EFCAB6: variants seen among roughly 807,000 people sequenced by gnomAD.
EFCAB6 encodes EF-hand calcium-binding domain-containing protein 6.
In EFCAB6, 156 loss-of-function variants were observed where a neutral mutation model predicts 169.8. That is an observed-to-expected ratio of 0.92 (90% CI 0.81 to 1.05). The LOEUF is 1.05. Among genes scored for constraint, EFCAB6 ranks in the 50% least tolerant of loss-of-function variants. The probability of loss-of-function intolerance (pLI) is 0.00; values close to 1 mark genes in which losing one functional copy is unlikely to be tolerated. For synonymous variants in EFCAB6, 698 were observed against 676.4 expected, an observed-to-expected ratio of 1.03 and a Z score of -0.50; for missense variants, 1,800 against 1,829.1, an observed-to-expected ratio of 0.98 and a Z score of 0.29.
At chr22:43,663,853 G>C (rs1202264490) in intron 17 of EFCAB6, among the ~76,000 whole-genome samples, 1 of 152,216 alleles carries the variant, frequency 6.6e-6, no homozygotes, top group Non-Finnish European at 1.5e-5. Context: ...GCCCCAGCAT[G>C]CTGGCACCTG....
chr22:43,663,829 G>A (rs902387198), intron 17 of EFCAB6, among the ~76,000 whole-genome samples: 2 of 152,202 alleles, frequency 1.3e-5, no homozygotes, highest in South Asian at 4.1e-4. Context: ...ACCCAGAAGA[G>A]GGCCCTTGCC....
intron 10 of EFCAB6, among the ~76,000 whole-genome samples, chr22:43,711,018 T>C (rs2059141564): frequency 6.6e-6 from 1 of 152,130 alleles, no homozygotes; most frequent in South Asian, 2.1e-4. Context: ...ATCAACCAGT[T>C]GAAACTACAG....
At chr22:43,800,630 G>A (rs2081880759) in intron 2 of EFCAB6, among the ~76,000 whole-genome samples, 1 of 152,140 alleles carries the variant, frequency 6.6e-6, no homozygotes, top group African/African-American at 2.4e-5. Context: ...CAGAGATTGA[G>A]ATAAATTTTT....
At position 43,674,565 on chromosome 22, in the gene EFCAB6, C is replaced by A. The variant is rs556699463; in HGVS notation, c.1420-2260G>T. Reference sequence around the variant, plus strand: ...GAGCCTGAGGAACTGGATAAGGAGGCCTTCCCAGAAAGCCACTGGAAAGGT... The same window carrying A: ...GAGCCTGAGGAACTGGATAAGGAGGACTTCCCAGAAAGCCACTGGAAAGGT... On this transcript the variant is annotated intron_variant, in intron 13 of 31. Coordinates refer to ENST00000262726, the MANE Select transcript of EFCAB6 (RefSeq NM_022785.4). 9.8e-5 allele frequency among the ~76,000 whole-genome samples: 15 copies of A among 152,298 alleles called. No individual in the cohort carries two copies. The East Asian group carries it at 2.7e-3, about 27-fold the overall frequency.
intron 1 of EFCAB6, among the ~76,000 whole-genome samples, chr22:43,811,112 T>C (rs929241514): frequency 1.3e-5 from 2 of 151,988 alleles, no homozygotes; most frequent in Non-Finnish European, 2.9e-5. Flanking sequence ...AAATCCCGTC[T>C]GTACTAAAAA....
intron 15 of EFCAB6, among the ~76,000 whole-genome samples, chr22:43,671,485 T>C (rs980152907): frequency 4.6e-5 from 7 of 152,312 alleles, no homozygotes; most frequent in Middle Eastern, 3.4e-3. Context: ...TCTTGCTCTA[T>C]CAGAATGCAA....
chr22:43,572,975 C>T lies in EFCAB6; in HGVS notation c.3420+3322G>A, dbSNP rs1447270693. ...CCATGCTTTAGAGGAAAATGAAGAC[C>T]CCAGAGAATGCCAGTGCTACCACAG... On this transcript the variant is annotated intron_variant, in intron 26 of 31. Coordinates refer to ENST00000262726, the MANE Select transcript of EFCAB6 (RefSeq NM_022785.4). The surrounding 1 kb of genome is among the most constrained non-coding windows in gnomAD (Gnocchi z 4.0). Among the ~76,000 whole-genome samples the T allele has an allele frequency of 6.6e-6, 1 of 152,116 alleles. No individual in the cohort carries two copies. Among genetic ancestry groups the T allele is most frequent in the Non-Finnish European group, 1.5e-5 (1 of 68,028 alleles).
At chr22:43,756,891 T>C (rs1166142211) in intron 5 of EFCAB6, among the ~76,000 whole-genome samples, 1 of 152,120 alleles carries the variant, frequency 6.6e-6, no homozygotes, top group Non-Finnish European at 1.5e-5. Context: ...TATGAAGCCC[T>C]TGGCTGGCAG....
intron 15 of EFCAB6, among the ~76,000 whole-genome samples, chr22:43,670,328 TAA>T (rs927330905): frequency 1.5e-4 from 23 of 152,194 alleles, no homozygotes; most frequent in Admixed American, 5.9e-4. Flanking sequence ...CTTCAGAGTA[TAA>T]AAGTGTCCCG....
intron 22 of EFCAB6, among the ~76,000 whole-genome samples, chr22:43,607,849 A>G (rs2053029450): frequency 3.9e-5 from 6 of 152,346 alleles, no homozygotes; most frequent in African/African-American, 1.4e-4. Context: ...AATAGACCAC[A>G]TTGTTAGTGG....
intron 21 of EFCAB6, among the ~76,000 whole-genome samples, chr22:43,612,485 G>A (rs2053382804): frequency 1.3e-5 from 2 of 152,136 alleles, no homozygotes; most frequent in Non-Finnish European, 2.9e-5. Context: ...CTTTTCAAAA[G>A]AAGAAATACA....
chr22:43,545,610 C>T (rs1029555998), intron 27 of EFCAB6, among the ~76,000 whole-genome samples: 1 of 152,134 alleles, frequency 6.6e-6, no homozygotes, highest in Admixed American at 6.5e-5. Flanking sequence ...GACTGAGGCA[C>T]AGGCCTGGAG....
intron 20 of EFCAB6, among the ~76,000 whole-genome samples, chr22:43,625,285 G>A (rs944586373): frequency 6.6e-5 from 10 of 152,110 alleles, no homozygotes; most frequent in Admixed American, 6.6e-5. Flanking sequence ...CCTGGGGACC[G>A]TGAGTGCCTC....
intron 19 of EFCAB6, among the ~76,000 whole-genome samples, chr22:43,629,103 C>T (rs531920486): frequency 7.9e-5 from 12 of 152,288 alleles, no homozygotes; most frequent in African/African-American, 2.2e-4. Context: ...GGCAATCCAG[C>T]GTGATTACTG....
At chr22:43,607,621 A>G (rs2053016260) in intron 22 of EFCAB6, among the ~76,000 whole-genome samples, 1 of 152,356 alleles carries the variant, frequency 6.6e-6, no homozygotes, top group Non-Finnish European at 1.5e-5. Flanking sequence ...GCTTTTCTAA[A>G]TTAGACACAA....
chr22:43,579,870 G>C (rs968302549), intron 25 of EFCAB6, among the ~76,000 whole-genome samples: 6 of 150,560 alleles, frequency 4.0e-5, no homozygotes, highest in Middle Eastern at 3.5e-3. Context: ...CTACACTCAG[G>C]CATCATTCCC....
chr22:43,614,070 C>T (rs911306555), intron 21 of EFCAB6, among the ~76,000 whole-genome samples: 9 of 149,210 alleles, frequency 6.0e-5, no homozygotes, highest in African/African-American at 2.2e-4. Flanking sequence ...TCAATAGCAT[C>T]AAATATAGGT....
chr22:43,722,427 A>G (rs1236793449), intron 8 of EFCAB6, among the ~76,000 whole-genome samples: 1 of 151,784 alleles, frequency 6.6e-6, no homozygotes, highest in Admixed American at 6.6e-5. Context: ...GCTACTCAGG[A>G]GGCTGAGGCA....
At chr22:43,769,240 T>C (rs1282146035) in intron 4 of EFCAB6, among the ~76,000 whole-genome samples, 1 of 152,210 alleles carries the variant, frequency 6.6e-6, no homozygotes, top group Non-Finnish European at 1.5e-5. Context: ...CAAAAGATCA[T>C]ATCTTGTATG....
Sources: gnomAD v4.1 joint callset for allele counts (sites outside exome capture counted in the v4.1 genomes callset) on GRCh38, gnomAD v4.1.1 for gene constraint, Gnocchi (gnomAD v3.1) non-coding constraint, MANE v1.5 for transcripts, NCBI Gene and HGNC (gene_info 2026-07-23, HGNC 2026-07-21) for gene names.